The following ACTR3C variants were observed in gnomAD, a reference collection of about 807,000 sequenced individuals.
The protein encoded by ACTR3C is actin related protein 3C, also known as actin-related protein 3C.
Under a neutral mutation model 26.3 loss-of-function variants are expected in ACTR3C, and 18 were observed. The observed-to-expected ratio is 0.68, with a 90% confidence interval of 0.47 to 1.01. The LOEUF is 1.01. Among genes scored for constraint, ACTR3C ranks in the 50% least tolerant of loss-of-function variants. The pLI is 0.00. For synonymous variants in ACTR3C, 55 were observed against 94.5 expected, an observed-to-expected ratio of 0.58 and a Z score of 2.42; for missense variants, 184 against 250.7, an observed-to-expected ratio of 0.73 and a Z score of 1.80.
At chr7:150,205,531 G>C in the ACTR3C span, among the ~76,000 whole-genome samples, 1 of 152,086 alleles carries the variant, frequency 6.6e-6, no homozygotes, top group Admixed American at 6.5e-5. Context: ...CCCAAATCCA[G>C]CTCTATAACA....
At chr7:150,180,210 C>T in the ACTR3C span, among the ~76,000 whole-genome samples, 63,446 of 144,928 alleles carry the variant, frequency 0.44, 13,530 homozygotes, top group East Asian at 0.68. Context: ...GAGGCTGAGG[C>T]GGGAGAATGG....
the ACTR3C span, among the ~76,000 whole-genome samples, chr7:150,140,361 A>C: frequency 4.6e-5 from 7 of 152,164 alleles, no homozygotes; most frequent in African/African-American, 1.4e-4. Context: ...TTGAATTATA[A>C]AATTATGCGT....
At chr7:150,059,096 C>T in the ACTR3C span, among the ~76,000 whole-genome samples, 2 of 152,210 alleles carry the variant, frequency 1.3e-5, no homozygotes, top group African/African-American at 2.4e-5. Flanking sequence ...CAGCCAAAAG[C>T]GTTCCTGTAG....
At chr7:150,289,649 G>C (rs1217499233) in intron 3 of ACTR3C, 56 bp from the exon 4 acceptor site, 7 of 1,572,252 alleles carry the variant, frequency 4.5e-6, no homozygotes, top group South Asian at 1.2e-5. Flanking sequence ...GTGGAGAGCA[G>C]CCTGGACTCA....
chr7:149,969,481 G>A, the ACTR3C span, among the ~76,000 whole-genome samples: 2 of 152,142 alleles, frequency 1.3e-5, no homozygotes. Flanking sequence ...TGAGGGCCGT[G>A]CATGAGCGGA....
the ACTR3C span, among the ~76,000 whole-genome samples, chr7:150,110,461 G>A: frequency 1.0e-3 from 135 of 132,640 alleles, 2 homozygotes; most frequent in African/African-American, 3.8e-3. Flanking sequence ...GGGGCTGGAA[G>A]AGGGTGGGGC....
chr7:150,039,602 C>A, the ACTR3C span, among the ~76,000 whole-genome samples: 1 of 141,992 alleles, frequency 7.0e-6, no homozygotes, highest in Non-Finnish European at 1.5e-5. Context: ...TACCTGCCGT[C>A]GGAAGATTTG....
the ACTR3C span, among the ~76,000 whole-genome samples, chr7:149,903,865 CGTTGTT>C: frequency 3.8e-4 from 19 of 50,544 alleles, no homozygotes; most frequent in African/African-American, 6.4e-4. Flanking sequence ...AGTGTAAGGG[CGTTGTT>C]GTTGTTGTTG....
At chr7:150,228,467 T>C in the ACTR3C span, among the ~76,000 whole-genome samples, 2 of 152,166 alleles carry the variant, frequency 1.3e-5, no homozygotes, top group Non-Finnish European at 2.9e-5. Flanking sequence ...AATCTTGAGA[T>C]AGGGAGATTA....
At chr7:149,974,589 A>G in the ACTR3C span, among the ~76,000 whole-genome samples, 1 of 152,128 alleles carries the variant, frequency 6.6e-6, no homozygotes, top group Admixed American at 6.5e-5. Context: ...ACAACATGCA[A>G]ATGCACAGGG....
the ACTR3C span, among the ~76,000 whole-genome samples, chr7:149,945,158 G>A: frequency 6.6e-6 from 1 of 152,054 alleles, no homozygotes; most frequent in Admixed American, 6.6e-5. Context: ...AGGGAGGGAA[G>A]CGGCCTGGGG....
the ACTR3C span, among the ~76,000 whole-genome samples, chr7:150,127,368 C>T: frequency 3.9e-5 from 6 of 152,098 alleles, no homozygotes; most frequent in Non-Finnish European, 7.3e-5. Context: ...GTCTTGCCCA[C>T]AGGACCTCCA....
chr7:150,197,081 T>C, the ACTR3C span, among the ~76,000 whole-genome samples: 1 of 152,186 alleles, frequency 6.6e-6, no homozygotes, highest in Non-Finnish European at 1.5e-5. Flanking sequence ...AGACTTTTTA[T>C]TCCTTCATGG....
the ACTR3C span, among the ~76,000 whole-genome samples, chr7:149,978,886 A>C: frequency 6.6e-6 from 1 of 152,222 alleles, no homozygotes; most frequent in South Asian, 2.1e-4. Context: ...AGCAGGCTCC[A>C]GCCCTAAAGC....
At chr7:149,888,820 C>T in the ACTR3C span, among the ~76,000 whole-genome samples, 1 of 151,988 alleles carries the variant, frequency 6.6e-6, no homozygotes, top group African/African-American at 2.4e-5. Flanking sequence ...ACAGTCTGGC[C>T]AACGTGGTGA....
At chr7:149,910,845 CAA>C in the ACTR3C span, among the ~76,000 whole-genome samples, 1 of 146,650 alleles carries the variant, frequency 6.8e-6, no homozygotes, top group Non-Finnish European at 1.5e-5. Flanking sequence ...CTGGGGAAAC[CAA>C]AAAAAAAACA....
the ACTR3C span, among the ~76,000 whole-genome samples, chr7:150,088,466 T>C: frequency 9.8e-5 from 15 of 152,308 alleles, no homozygotes; most frequent in South Asian, 2.3e-3. Context: ...GGAATTCTCA[T>C]GCAAAGCGAA....
the ACTR3C span, among the ~76,000 whole-genome samples, chr7:150,046,529 G>A: frequency 2.7e-5 from 4 of 150,404 alleles, no homozygotes; most frequent in African/African-American, 7.4e-5. Context: ...CGGTTCCCAG[G>A]TTGAGCAGTT....
At chr7:150,241,580 C>T (rs1262170978), downstream of ACTR3C, among the ~76,000 whole-genome samples, 18 of 151,542 alleles carry the variant, frequency 1.2e-4, no homozygotes, top group Admixed American at 8.5e-4. Flanking sequence ...AACATGAGAC[C>T]GGCAAAAAAT....
Sources: allele counts gnomAD v4.1 joint callset (sites outside exome capture counted in the v4.1 genomes callset), GRCh38; gene constraint gnomAD v4.1.1; transcripts MANE v1.5; gene names NCBI Gene and HGNC (gene_info 2026-07-23, HGNC 2026-07-21).